The following MAML3 variants were observed in gnomAD, a reference collection of about 807,000 sequenced individuals.
MAML3 encodes the protein mastermind-like protein 3.
MAML3 carries 27 observed loss-of-function variants against 101.9 expected under a neutral mutation model. That is an observed-to-expected ratio of 0.27 (90% CI 0.20 to 0.37). The LOEUF (loss-of-function observed/expected upper bound fraction) is 0.37. MAML3 is among the 10% of genes least tolerant of loss of function. MAML3 has a pLI of 1.00. For synonymous variants in MAML3, 501 were observed against 555.9 expected (o/e 0.90, Z 1.39); for missense variants, 1,316 against 1,444.9 (o/e 0.91, Z 1.45).
intron 2 of MAML3, among the ~76,000 whole-genome samples, chr4:139,806,144 G>A (rs1730695568): frequency 6.6e-6 from 1 of 152,022 alleles, no homozygotes; most frequent in African/African-American, 2.4e-5. Flanking sequence ...CAAGGGAAGA[G>A]GTTAATAGTT....
intron 1 of MAML3, among the ~76,000 whole-genome samples, chr4:140,105,303 A>C (rs1389150670): frequency 6.6e-6 from 1 of 152,232 alleles, no homozygotes; most frequent in Non-Finnish European, 1.5e-5. Flanking sequence ...TGATCAAAAC[A>C]ATCATGATAC....
intron 1 of MAML3, among the ~76,000 whole-genome samples, chr4:139,996,686 C>CATGTGTGTGTGTGTGT (rs59834103): frequency 2.0e-5 from 3 of 150,906 alleles, no homozygotes; most frequent in African/African-American, 7.3e-5. Context: ...ATAGTTGTAT[C>CATGTGTGTGTGTGTGT]GTGTGTGTGT....
chr4:139,937,068 A>G (rs1244991308), intron 1 of MAML3, among the ~76,000 whole-genome samples: 2 of 152,242 alleles, frequency 1.3e-5, no homozygotes, highest in Non-Finnish European at 2.9e-5. Flanking sequence ...TGTTTTTCAA[A>G]AAAGAGAGGG....
At chr4:140,136,471 G>A (rs1242482869) in intron 1 of MAML3, among the ~76,000 whole-genome samples, 1 of 152,166 alleles carries the variant, frequency 6.6e-6, no homozygotes, top group Non-Finnish European at 1.5e-5. Flanking sequence ...CTGGAGCCGT[G>A]TTTATCTCAG....
At chr4:140,151,761 G>C (rs1051264342) in intron 1 of MAML3, among the ~76,000 whole-genome samples, 7 of 151,778 alleles carry the variant, frequency 4.6e-5, no homozygotes, top group East Asian at 1.9e-4. Context: ...CAAAAGAACC[G>C]GAGAGGGGAG....
chr4:140,114,033 T>C (rs1728479288), intron 1 of MAML3, among the ~76,000 whole-genome samples: 1 of 152,208 alleles, frequency 6.6e-6, no homozygotes, highest in South Asian at 2.1e-4. Flanking sequence ...TGCTGTTTCC[T>C]ATGCCTTTAA....
chr4:139,812,210 C>G (rs944264834), intron 2 of MAML3, among the ~76,000 whole-genome samples: 14 of 152,130 alleles, frequency 9.2e-5, no homozygotes, highest in Non-Finnish European at 2.9e-5. Context: ...TATGGTTGTG[C>G]TACTGCACTC....
intron 1 of MAML3, among the ~76,000 whole-genome samples, chr4:140,017,536 T>C (rs1578644556): frequency 1.3e-5 from 2 of 151,752 alleles, no homozygotes; most frequent in African/African-American, 2.4e-5. Context: ...CCAAAACCTA[T>C]AAAAAACAAA....
At position 139,756,755 on chromosome 4, in the gene MAML3, TGCTA is replaced by T. The variant is rs1266933288; in HGVS notation, c.2080-26092_2080-26089del. ...GACAGTTTGGCACCCGTGAAAAGGTTGCTACTTTTGAATGGCAGCACACAATATT... is the reference window on the plus strand; with the variant it reads ...GACAGTTTGGCACCCGTGAAAAGGTTCTTTTGAATGGCAGCACACAATATT... On this transcript the variant is annotated intron_variant, in intron 2 of 4. Transcript: ENST00000509479. 4.6e-5 allele frequency among the ~76,000 whole-genome samples: 7 copies of T among 152,194 alleles called. 1 individual carries two copies. The South Asian group carries it at 1.2e-3, about 27-fold the overall frequency.
At chr4:140,083,284 GC>G (rs1727892939) in intron 1 of MAML3, among the ~76,000 whole-genome samples, 1 of 152,016 alleles carries the variant, frequency 6.6e-6, no homozygotes, top group Admixed American at 6.5e-5. Context: ...TCCCCACATT[GC>G]CCACTCCTCT....
chr4:140,098,295 A>G (rs1475948402), intron 1 of MAML3, among the ~76,000 whole-genome samples: 1 of 152,224 alleles, frequency 6.6e-6, no homozygotes, highest in African/African-American at 2.4e-5. Flanking sequence ...GTCCTTGGGC[A>G]AATTATTTCT....
intron 1 of MAML3, among the ~76,000 whole-genome samples, chr4:139,988,698 G>A (rs946454213): frequency 6.6e-6 from 1 of 152,180 alleles, no homozygotes; most frequent in South Asian, 2.1e-4. Flanking sequence ...TGACTGGGGT[G>A]GTGGTTATAA....
intron 2 of MAML3, among the ~76,000 whole-genome samples, chr4:139,732,423 A>C (rs1164828728): frequency 1.3e-5 from 2 of 152,168 alleles, no homozygotes; most frequent in African/African-American, 4.8e-5. Context: ...CAAACAAAAC[A>C]AAACAGCAAA....
intron 1 of MAML3, among the ~76,000 whole-genome samples, chr4:139,919,338 T>C (rs1245983930): frequency 3.3e-5 from 5 of 152,238 alleles, no homozygotes; most frequent in Admixed American, 6.5e-5. Flanking sequence ...GCAAATGCCT[T>C]AAAGGAGCTA....
chr4:139,735,456 C>G lies in MAML3; in HGVS notation c.2080-4789G>C, dbSNP rs1230566127. Among the ~76,000 whole-genome samples, 1 of 142,254 alleles carries G rather than the reference C, an allele frequency of 7.0e-6. No individual in the cohort carries two copies. Among genetic ancestry groups the G allele is most frequent in the Non-Finnish European group, 1.5e-5 (1 of 64,764 alleles). 93.3% of individuals were successfully genotyped at this position (142,254 alleles called of 152,430 possible). A position where few individuals can be genotyped will look rare whatever the true frequency, so the allele number is the denominator to read the frequency against. On this transcript the variant is annotated intron_variant, in intron 2 of 4. Coordinates refer to ENST00000509479, the MANE Select transcript of MAML3 (RefSeq NM_018717.5). This position sits in a 1 kb window ranked among gnomAD's most constrained non-coding sequence, Gnocchi z 5.8. The stretch of plus-strand genomic sequence containing the variant: ...AAGGGCTGGGAGTGGGGTAGGGGGG[C>G]AGTGGCGACCTCCGGGGGGGGAGGG...
In MAML3 at chr4:140,153,474, G is replaced by T; in HGVS notation, c.-147C>A. 2.8e-4 allele frequency: 167 copies of T among 589,400 alleles called. No homozygotes were observed. Among genetic ancestry groups the T allele is most frequent in the Middle Eastern group, 1.8e-3 (3 of 1,636 alleles). The allele number at this position is 589,400 out of a possible 1,614,324, so 36.5% of individuals were successfully genotyped here. ...ATGGAAACGGCGATCCCGACGGGGC[G>T]AAAAAAACGGGGGGGGAGATTTTGG... On this transcript the variant is annotated 5_prime_UTR_variant, in exon 1 of 5. Coordinates refer to ENST00000509479, the MANE Select transcript of MAML3 (RefSeq NM_018717.5).
At chr4:140,058,356 T>G (rs1727388386) in intron 1 of MAML3, among the ~76,000 whole-genome samples, 1 of 151,960 alleles carries the variant, frequency 6.6e-6, no homozygotes, top group African/African-American at 2.4e-5. Flanking sequence ...CCTCCCAATG[T>G]GCTAGGATTA....
chr4:140,019,852 T>G (rs1726704476), intron 1 of MAML3, among the ~76,000 whole-genome samples: 1 of 152,202 alleles, frequency 6.6e-6, no homozygotes, highest in African/African-American at 2.4e-5. Context: ...TTAGGTAGGT[T>G]GACCTGACTG....
chr4:139,917,038 C>G (rs142514341), intron 1 of MAML3, among the ~76,000 whole-genome samples: 1 of 152,166 alleles, frequency 6.6e-6, no homozygotes, highest in Non-Finnish European at 1.5e-5. Flanking sequence ...TTCCAGAGTT[C>G]TGAGAATGCT....
Sources: allele counts gnomAD v4.1 joint callset (sites outside exome capture counted in the v4.1 genomes callset), GRCh38; gene constraint gnomAD v4.1.1; non-coding constraint Gnocchi (gnomAD v3.1); transcripts MANE v1.5; gene names NCBI Gene and HGNC (gene_info 2026-07-23, HGNC 2026-07-21).